The following ANKRD18B variants were observed in gnomAD, a reference collection of about 807,000 sequenced individuals.
ANKRD18B encodes the protein ankyrin repeat domain 18B, also known as ankyrin repeat domain-containing protein 18B.
In ANKRD18B, 75 loss-of-function variants were observed where a neutral mutation model predicts 111.8. That is an observed-to-expected ratio of 0.67 (90% confidence interval 0.56 to 0.81). The LOEUF is 0.81. Ranked by LOEUF, ANKRD18B falls within the 40% of genes least tolerant of loss-of-function variation. ANKRD18B has a pLI of 0.00. For missense variants in ANKRD18B, 1,038 were observed against 1,225.5 expected, an observed-to-expected ratio of 0.85 and a Z score of 2.28; for synonymous variants, 356 against 417.3, an observed-to-expected ratio of 0.85 and a Z score of 1.79.
chr9:33,539,050 T>A (rs1356475090), intron 6 of ANKRD18B, among the ~76,000 whole-genome samples: 3 of 152,208 alleles, frequency 2.0e-5, no homozygotes, highest in Non-Finnish European at 4.4e-5. Context: ...TCAACAGAGT[T>A]TTTAAGAAAA....
chr9:33,527,342 G>T (rs954871913), intron 1 of ANKRD18B, among the ~76,000 whole-genome samples: 1 of 115,152 alleles, frequency 8.7e-6, no homozygotes, highest in Non-Finnish European at 2.0e-5. Context: ...TTCTTTTTGC[G>T]ACAGAGTCTC....
chr9:33,559,912 T>C (rs1327794024), intron 14 of ANKRD18B, among the ~76,000 whole-genome samples: 1 of 152,240 alleles, frequency 6.6e-6, no homozygotes, highest in East Asian at 1.9e-4. Flanking sequence ...TAGAACACTT[T>C]CATCACCTTA....
chr9:33,571,980 A>G, intron 18 of ANKRD18B: 2 of 254,986 alleles, frequency 7.8e-6, no homozygotes, highest in Non-Finnish European at 1.5e-5. Context: ...CTATGACTCT[A>G]TATGGACATT....
At chr9:33,552,516 C>A (rs1351073130) in intron 12 of ANKRD18B, among the ~76,000 whole-genome samples, 1 of 152,152 alleles carries the variant, frequency 6.6e-6, no homozygotes, top group Non-Finnish European at 1.5e-5. Context: ...CTCAGCCTGT[C>A]TCTGCTGGTC....
intron 8 of ANKRD18B, among the ~76,000 whole-genome samples, chr9:33,540,656 G>T (rs1458473591): frequency 1.3e-5 from 2 of 151,954 alleles, no homozygotes; most frequent in African/African-American, 4.8e-5. Context: ...GCTGGGATTG[G>T]CAAGCTTTCT....
At chr9:33,531,810 A>G (rs1828121309) in intron 3 of ANKRD18B, among the ~76,000 whole-genome samples, 1 of 151,260 alleles carries the variant, frequency 6.6e-6, no homozygotes, top group Admixed American at 6.6e-5. Flanking sequence ...CTCTTTTTTT[A>G]TATCTATACC....
intron 6 of ANKRD18B, among the ~76,000 whole-genome samples, chr9:33,537,928 C>T (rs576670151): frequency 1.0e-3 from 155 of 152,204 alleles, no homozygotes; most frequent in Middle Eastern, 3.4e-3. Context: ...TAAACATAAG[C>T]GAATCCTCCC....
rs140717400 is a variant in ANKRD18B, at chr9:33,554,208, A to G, written c.2218-1500A>G. Among the ~76,000 whole-genome samples the G allele has an allele frequency of 6.1e-3, 927 of 152,248 alleles. 7 individuals are homozygous for G. The highest frequency in any genetic ancestry group is 0.021 in the African/African-American group (860 of 41,546). On this transcript the variant is annotated intron_variant, in intron 12 of 18. Coordinates refer to ENST00000684830, the MANE Select transcript of ANKRD18B (RefSeq NM_001393611.1). ...AAGAAAGAAAGAAAGAAAGAAAAAG[A>G]AAGGACAAAGCAAAGTATACTGGTG...
chr9:33,549,657 C>T (rs1828418594), intron 11 of ANKRD18B, among the ~76,000 whole-genome samples: 1 of 152,108 alleles, frequency 6.6e-6, no homozygotes, highest in Non-Finnish European at 1.5e-5. Flanking sequence ...TGTTCTGATT[C>T]ATACCAATGT....
rs982520133 is a variant in ANKRD18B, at chr9:33,529,102, G to A, written c.424G>A (p.Val142Met). ...CGGCAACACTGCTCTCCATTATGCCGTGTATAATGAGGGGACTTCACTGGC... is the reference window on the plus strand; with the variant it reads ...CGGCAACACTGCTCTCCATTATGCCATGTATAATGAGGGGACTTCACTGGC... Reference protein sequence around the residue: ...IYGNTALHYAVYNEGTSLAER... With the variant: ...IYGNTALHYAMYNEGTSLAER... The change falls in exon 3 of 19, where the codon GTG becomes ATG. Residue 142 changes from valine (V) to methionine (M), a missense_variant. Physicochemically the swap from Val to Met is conservative, Grantham distance 21. Around this residue, in one of 4 missense-constraint regions of ANKRD18B, gnomAD observed 216 missense variants for 205.1 expected, o/e 1.05. Coordinates refer to ENST00000684830, the MANE Select transcript of ANKRD18B (RefSeq NM_001393611.1). The A allele has an allele frequency of 5.0e-6, 8 of 1,611,994 alleles. No individual in the cohort carries two copies. The highest frequency in any genetic ancestry group is 2.2e-5 in the East Asian group (1 of 44,882).
intron 9 of ANKRD18B, among the ~76,000 whole-genome samples, chr9:33,542,576 T>C (rs1828295904): frequency 6.6e-6 from 1 of 152,022 alleles, no homozygotes; most frequent in South Asian, 2.1e-4. Context: ...GGTTTCACTA[T>C]GGTCTCTGGG....
chr9:33,563,895 G>A (rs1828647633), intron 14 of ANKRD18B, among the ~76,000 whole-genome samples: 1 of 152,112 alleles, frequency 6.6e-6, no homozygotes, highest in Admixed American at 6.5e-5. Context: ...TTATCTAACT[G>A]TAATTCTGTA....
In ANKRD18B at chr9:33,568,856, C is replaced by T. The variant is rs1172235621; in HGVS notation, c.3140C>T (p.Pro1047Leu). 5.2e-6 allele frequency: 8 copies of T among 1,551,100 alleles called. No individual in the cohort carries two copies. Among genetic ancestry groups the T allele is most frequent in the Non-Finnish European group, 6.1e-6 (7 of 1,146,710 alleles). ...GCCATAAGAATTCCTACTTCAAACC[C>T]ACAGACTTCAAATAACTGCAAGAAC... ...KMAIRIPTSN[P>L]QTSNNCKNSL... The change falls in exon 17 of 19, where the codon CCA (proline) becomes CTA (leucine). Residue 1047 changes from proline to leucine, a missense_variant. Around this residue, in one of 4 missense-constraint regions of ANKRD18B, gnomAD observed 524 missense variants for 677.9 expected, o/e 0.77. Coordinates refer to ENST00000684830, the MANE Select transcript of ANKRD18B (RefSeq NM_001393611.1).
In ANKRD18B at chr9:33,540,162, G is replaced by A. The variant is rs1828257988; in HGVS notation, c.947G>A (p.Cys316Tyr). Residue 316 changes from cysteine (C) to tyrosine (Y), a missense_variant, in exon 8 of 19, where the codon TGC becomes TAC. Physicochemically the swap from Cys to Tyr is radical, Grantham distance 194. Coordinates refer to ENST00000684830, the MANE Select transcript of ANKRD18B (RefSeq NM_001393611.1). Reference sequence around the variant, plus strand: ...CCTCCCAGGTTCAAGCAATTCTCCTGCCTCAGCCTCCCGAGGAGCTGGGAC... The same window carrying A: ...CCTCCCAGGTTCAAGCAATTCTCCTACCTCAGCCTCCCGAGGAGCTGGGAC... The part of the protein sequence containing the change: ...PSPPRFKQFS[C>Y]LSLPRSWDNR... The A allele has an allele frequency of 1.3e-5, 2 of 151,018 alleles. No individual in the cohort carries two copies. The allele number at this position is 151,018 out of a possible 1,614,324, so 9.4% of individuals were successfully genotyped here.
At chr9:33,566,754 T>C (rs13286109) in intron 15 of ANKRD18B, among the ~76,000 whole-genome samples, 1 of 152,178 alleles carries the variant, frequency 6.6e-6, no homozygotes, top group East Asian at 1.9e-4. Context: ...TTAAGACCAG[T>C]TGGCATAAGA....
At chr9:33,560,655 A>G (rs1220833749) in intron 14 of ANKRD18B, among the ~76,000 whole-genome samples, 1 of 151,708 alleles carries the variant, frequency 6.6e-6, no homozygotes, top group Non-Finnish European at 1.5e-5. Flanking sequence ...CCACTTTTTG[A>G]CTCTTATTAA....
At chr9:33,535,304 G>A (rs1456937139) in intron 5 of ANKRD18B, among the ~76,000 whole-genome samples, 1 of 151,472 alleles carries the variant, frequency 6.6e-6, no homozygotes, top group Non-Finnish European at 1.5e-5. Flanking sequence ...TTGTTTTTTC[G>A]AGATGGAGTC....
intron 12 of ANKRD18B, among the ~76,000 whole-genome samples, chr9:33,550,969 T>G (rs985565516): frequency 3.3e-5 from 5 of 152,190 alleles, no homozygotes; most frequent in African/African-American, 1.2e-4. Flanking sequence ...TTTCTTCACT[T>G]TTGTGAATGG....
chr9:33,539,998 A>C (rs983541565), intron 7 of ANKRD18B, 80 bp from the exon 8 acceptor site: 6 of 151,270 alleles, frequency 4.0e-5, no homozygotes, highest in African/African-American at 1.5e-4. Flanking sequence ...TTTTCTTCAC[A>C]TGTGTCTTTT....
Sources: allele counts gnomAD v4.1 joint callset (sites outside exome capture counted in the v4.1 genomes callset), GRCh38; gene constraint gnomAD v4.1.1; regional missense constraint gnomAD v4.1.1; transcripts MANE v1.5; gene names NCBI Gene and HGNC (gene_info 2026-07-23, HGNC 2026-07-21).